SERBP1: variants seen among roughly 807,000 people sequenced by gnomAD.
The protein encoded by SERBP1 is SERPINE1 mRNA-binding protein 1.
In SERBP1, 6 loss-of-function variants were observed where a neutral mutation model predicts 50.2. The observed-to-expected ratio is 0.12, with a 90% CI of 0.07 to 0.24. The LOEUF is 0.24. Among genes scored for constraint, SERBP1 ranks in the 10% least tolerant of loss-of-function variants. The probability of loss-of-function intolerance (pLI) is 1.00; values close to 1 mark genes in which losing one functional copy is unlikely to be tolerated. For synonymous variants in SERBP1, 168 were observed against 182.8 expected, an observed-to-expected ratio of 0.92 and a Z score of 0.65; for missense variants, 346 against 524.9, an observed-to-expected ratio of 0.66 and a Z score of 3.33.
At chr1:67,422,195 A>C (rs1570295069) in intron 5 of SERBP1, among the ~76,000 whole-genome samples, 2 of 152,142 alleles carry the variant, frequency 1.3e-5, no homozygotes, top group Non-Finnish European at 2.9e-5. Flanking sequence ...AACAGTGCTC[A>C]CCATAAGAGC....
At chr1:67,423,524 T>C (rs1299624556) in intron 5 of SERBP1, among the ~76,000 whole-genome samples, 2 of 146,692 alleles carry the variant, frequency 1.4e-5, no homozygotes, top group South Asian at 2.2e-4. Context: ...GAAGGATCAT[T>C]TGAGCCCAGG....
rs909216131 is a variant in SERBP1, at chr1:67,407,910, G to C, written c.*5297C>G. The C allele has an allele frequency of 6.6e-6, 1 of 152,176 alleles. No individual in the cohort carries two copies. The highest frequency in any genetic ancestry group is 1.9e-4 in the East Asian group (1 of 5,198). The allele number at this position is 152,176 out of a possible 1,614,324, so 9.4% of individuals were successfully genotyped here. A position where few individuals can be genotyped will look rare whatever the true frequency, so the allele number is the denominator to read the frequency against. On this transcript the variant is annotated 3_prime_UTR_variant, in exon 8 of 8. Transcript: ENST00000361219. ...ATTTTAGGCAAATGTCAAGAACCAA[G>C]TTAACCAAAACCGCTTTAAACAGAA...
chr1:67,416,591 A>G (rs750315999), intron 6 of SERBP1, among the ~76,000 whole-genome samples: 5 of 152,212 alleles, frequency 3.3e-5, no homozygotes, highest in Admixed American at 6.5e-5. Context: ...TTGTTCTTTC[A>G]TTAGAACTTG....
rs1408394064 is a variant in SERBP1 at position 67,410,358 on chromosome 1, A to C, written c.*2849T>G. The C allele has an allele frequency of 2.6e-5, 4 of 152,310 alleles. No individual in the cohort carries two copies. The highest frequency in any genetic ancestry group is 5.9e-5 in the Non-Finnish European group (4 of 68,002). The allele number at this position is 152,310 out of a possible 1,614,324, so 9.4% of individuals were successfully genotyped here. A position where few individuals can be genotyped will look rare whatever the true frequency, so the allele number is the denominator to read the frequency against. ...TCTCTGGCAACTAGAAAAATAACAA[A>C]ATTAGAATGAATACTTAATATCCTC... On this transcript the variant is annotated 3_prime_UTR_variant, in exon 8 of 8. Transcript: ENST00000361219.
chr1:67,421,049 A>T (rs1667182238), intron 5 of SERBP1, among the ~76,000 whole-genome samples: 1 of 152,192 alleles, frequency 6.6e-6, no homozygotes, highest in African/African-American at 2.4e-5. Context: ...AGTTAGCCTT[A>T]GAGCTCAAAT....
At chr1:67,417,490 G>T (rs1308492619) in intron 6 of SERBP1, among the ~76,000 whole-genome samples, 1 of 151,890 alleles carries the variant, frequency 6.6e-6, no homozygotes, top group African/African-American at 2.4e-5. Flanking sequence ...GATAAAGTCA[G>T]GGCAGGGGGA....
At position 67,407,989 on chromosome 1, in the gene SERBP1, C is replaced by T. The variant is rs546360988; in HGVS notation, c.*5218G>A. On this transcript the variant is annotated 3_prime_UTR_variant, in exon 8 of 8. Coordinates refer to ENST00000361219, the MANE Select transcript of SERBP1 (RefSeq NM_001018069.2). ...TCTTTAAATTAGAGATCTTTTTGGTCCTAAAATCTAGAACTGAATCAGCTA... is the reference window on the plus strand; with the variant it reads ...TCTTTAAATTAGAGATCTTTTTGGTTCTAAAATCTAGAACTGAATCAGCTA... 1 of 152,092 alleles carries T rather than the reference C, an allele frequency of 6.6e-6. No homozygotes were observed. The highest frequency in any genetic ancestry group is 1.5e-5 in the Non-Finnish European group (1 of 68,012). 9.4% of individuals were successfully genotyped at this position (152,092 alleles called of 1,614,324 possible).
At chr1:67,425,871 G>A (rs1176406100) in intron 2 of SERBP1, among the ~76,000 whole-genome samples, 1 of 152,198 alleles carries the variant, frequency 6.6e-6, no homozygotes, top group Non-Finnish European at 1.5e-5. Flanking sequence ...GTTTACGCCT[G>A]TAATCCCAAT....
intron 7 of SERBP1, among the ~76,000 whole-genome samples, chr1:67,414,368 A>G (rs1666936683): frequency 6.4e-5 from 2 of 31,292 alleles, no homozygotes; most frequent in African/African-American, 1.2e-4. Flanking sequence ...CACCACCTTA[A>G]AAAAAAAAGG....
At chr1:67,428,736 A>C (rs1309327246) in intron 1 of SERBP1, among the ~76,000 whole-genome samples, 3 of 95,528 alleles carry the variant, frequency 3.1e-5, no homozygotes, top group African/African-American at 2.0e-4. Context: ...AAAAGTCCTC[A>C]AAAAAAAAAA....
intron 5 of SERBP1, among the ~76,000 whole-genome samples, chr1:67,421,141 A>C (rs536349317): frequency 4.0e-4 from 61 of 152,260 alleles, no homozygotes; most frequent in Admixed American, 1.0e-3. Flanking sequence ...GCAAAAAAAA[A>C]ACAAAAAACT....
chr1:67,424,383 T>C, intron 4 of SERBP1, 106 bp from the exon 5 acceptor site: 2 of 1,449,370 alleles, frequency 1.4e-6, no homozygotes, highest in Non-Finnish European at 1.9e-6. Flanking sequence ...GAAAAGTTCT[T>C]CATACAAAAA....
intron 6 of SERBP1, chr1:67,417,322 T>C (rs1667044544): frequency 6.6e-6 from 1 of 152,152 alleles, no homozygotes; most frequent in African/African-American, 2.4e-5. Context: ...TATTTTAAAT[T>C]AAAAAATAGA....
At chr1:67,418,297 G>GT (rs879436144) in intron 6 of SERBP1, among the ~76,000 whole-genome samples, 2 of 149,168 alleles carry the variant, frequency 1.3e-5, no homozygotes, top group South Asian at 2.1e-4. Flanking sequence ...TTCTAATGCA[G>GT]TTTTTTTTCT....
Position 67,409,233 on chromosome 1 carries a change from CA to C in SERBP1, c.*3973del, listed in dbSNP as rs1203414588. ...ACAGAGCCAGACTGTTTCAAAGAAA[CA>C]AACTCTTGTAACCCGAGAGTGACAG... is the stretch of plus-strand genomic sequence containing the variant. On this transcript the variant is annotated 3_prime_UTR_variant, in exon 8 of 8. Coordinates refer to ENST00000361219, the MANE Select transcript of SERBP1 (RefSeq NM_001018069.2). The C allele has an allele frequency of 6.6e-6, 1 of 151,674 alleles. No homozygotes were observed. The highest frequency in any genetic ancestry group is 1.5e-5 in the Non-Finnish European group (1 of 67,956). The allele number at this position is 151,674 out of a possible 1,614,324, so 9.4% of individuals were successfully genotyped here.
At chr1:67,427,063 G>A (rs17446536) in intron 1 of SERBP1, among the ~76,000 whole-genome samples, 1,629 of 152,252 alleles carry the variant, frequency 0.011, 11 homozygotes, top group Non-Finnish European at 0.016. Context: ...GTACTTCCAA[G>A]TTAGGAAACA....
intron 1 of SERBP1, chr1:67,429,579 C>A (rs1667498821): frequency 5.9e-6 from 1 of 169,348 alleles, no homozygotes; most frequent in Admixed American, 6.3e-5. Flanking sequence ...CAGTAAGCAG[C>A]GATGGACCCC....
intron 6 of SERBP1, among the ~76,000 whole-genome samples, chr1:67,418,705 G>T (rs1429237790): frequency 6.6e-6 from 1 of 151,948 alleles, no homozygotes; most frequent in South Asian, 2.1e-4. Context: ...GTTGCGGTAA[G>T]CAGAGATGGT....
chr1:67,413,130 G>C lies in SERBP1; in HGVS notation c.*77C>G, dbSNP rs1451352773. On this transcript the variant is annotated 3_prime_UTR_variant, in exon 8 of 8. Coordinates refer to ENST00000361219, the MANE Select transcript of SERBP1 (RefSeq NM_001018069.2). ...TCTTTTTTTTTTTAATTTCTTAGTC[G>C]TTTGGAATCCTTAAGCATGCAAAAG... 1 of 1,428,814 alleles carries C rather than the reference G, an allele frequency of 7.0e-7. No homozygotes were observed. Among genetic ancestry groups the C allele is most frequent in the Non-Finnish European group, 9.3e-7 (1 of 1,074,288 alleles). The allele number at this position is 1,428,814 out of a possible 1,614,324, so 88.5% of individuals were successfully genotyped here.
Sources: allele counts gnomAD v4.1 joint callset (sites outside exome capture counted in the v4.1 genomes callset), GRCh38; gene constraint gnomAD v4.1.1; transcripts MANE v1.5; gene names NCBI Gene and HGNC (gene_info 2026-07-23, HGNC 2026-07-21).